HS3ST6: variants seen among roughly 807,000 people sequenced by gnomAD.
HS3ST6 encodes the protein heparan sulfate glucosamine 3-O-sulfotransferase 6.
A neutral mutation model predicts 11.0 loss-of-function variants in HS3ST6; 13 were observed. That is an observed-to-expected ratio of 1.18 (90% confidence interval 0.77 to 1.88). The LOEUF (loss-of-function observed/expected upper bound fraction) is 1.88, where lower values mean the gene tolerates loss of function less well. Ranked by LOEUF, HS3ST6 falls within the 40% of genes most tolerant of loss-of-function variation. The pLI is 0.00. For missense variants in HS3ST6, 541 were observed against 494.4 expected (o/e 1.09, Z -0.89); for synonymous variants, 232 against 230.6 (o/e 1.01, Z -0.06).
upstream of HS3ST6, among the ~76,000 whole-genome samples, chr16:1,920,355 C>CCCCACGGTCTCAGCTGTT (rs1331988411): frequency 6.7e-6 from 1 of 149,290 alleles, no homozygotes; most frequent in African/African-American, 2.5e-5. Flanking sequence ...CGGTCTGAGT[C>CCCCACGGTCTCAGCTGTT]CCCACGGTCT....
In HS3ST6 at chr16:1,918,206, C is replaced by T. The variant is rs2082940436; in HGVS notation, c.118G>A (p.Gly40Ser). Residue 40 changes from glycine to serine, a missense_variant, in exon 1 of 2, where the codon GGC (glycine) becomes AGC (serine). Physicochemically the swap from Gly to Ser is moderately conservative, Grantham distance 56. Coordinates refer to ENST00000454677, the MANE Select transcript of HS3ST6 (RefSeq NM_001009606.4). This position sits in a 1 kb window ranked among gnomAD's most constrained non-coding sequence, Gnocchi z 6.0. The stretch of plus-strand genomic sequence containing the variant: ...GGGAGGGCGCAGAGGCAGTAGGCGC[C>T]GAGCACCAGGGCCACGAGCAGCATC... The part of the protein sequence containing the change: ...APMLLVALVL[G>S]AYCLCALPGR... 1 of 1,061,800 alleles carries T rather than the reference C, an allele frequency of 9.4e-7. No homozygotes were observed. The highest frequency in any genetic ancestry group is 5.4e-5 in the Admixed American group (1 of 18,448). The allele number at this position is 1,061,800 out of a possible 1,614,324, so 65.8% of individuals were successfully genotyped here.
chr16:1,914,262 G>T (rs1461503629), intron 1 of HS3ST6, among the ~76,000 whole-genome samples: 1 of 152,168 alleles, frequency 6.6e-6, no homozygotes, highest in African/African-American at 2.4e-5. Flanking sequence ...GCCGCACCCA[G>T]CGTCCCAGGG....
rs2082888371 is a variant in HS3ST6, at chr16:1,911,710, CT to C, written c.908del (p.Lys303SerfsTer32). On this transcript the variant is annotated frameshift_variant, in exon 2 of 2. Transcript: ENST00000454677. LOFTEE classifies it high-confidence loss of function. ...CGCGTGGGTGTGGCCGGCCCTTGGA[CT>C]TGCCCAGGCAGCGGGGACGGCTGCC... ...QGGSRPRCLG[K>X]SKGRPHPRVP... The C allele has an allele frequency of 1.2e-6, 2 of 1,612,382 alleles. No homozygotes were observed. Among genetic ancestry groups the C allele is most frequent in the African/African-American group, 2.7e-5 (2 of 74,910 alleles).
At position 1,912,774 on chromosome 16, in the gene HS3ST6, T is replaced by C. The variant is rs1481320985; in HGVS notation, c.414-569A>G. Among the ~76,000 whole-genome samples, 1 of 152,140 alleles carries C rather than the reference T, an allele frequency of 6.6e-6. No individual in the cohort carries two copies. The highest frequency in any genetic ancestry group is 2.4e-5 in the African/African-American group (1 of 41,434). On this transcript the variant is annotated intron_variant, in intron 1 of 1. Transcript: ENST00000454677. This position sits in a 1 kb window ranked among gnomAD's most constrained non-coding sequence, Gnocchi z 5.6. ...CCTCCCTGCTCCCTCCCTCCCCTGA[T>C]GTAATTACATCTCTTCCCATCTTTA...
At chr16:1,913,361 C>G (rs750157487) in intron 1 of HS3ST6, among the ~76,000 whole-genome samples, 1 of 152,110 alleles carries the variant, frequency 6.6e-6, no homozygotes, top group Non-Finnish European at 1.5e-5. Context: ...CCCAAGGTCC[C>G]GGGGGAATCA....
chr16:1,919,266 G>A (rs2082947944), upstream of HS3ST6, among the ~76,000 whole-genome samples: 1 of 152,222 alleles, frequency 6.6e-6, no homozygotes, highest in African/African-American at 2.4e-5. Context: ...CTGTGCTGGG[G>A]AAGAGAAGGA....
Position 1,911,757 on chromosome 16 carries a change from A to G in HS3ST6, c.862T>C (p.Cys288Arg), listed in dbSNP as rs1418131078. The G allele has an allele frequency of 1.2e-6, 2 of 1,613,754 alleles. No homozygotes were observed. The highest frequency in any genetic ancestry group is 4.5e-5 in the East Asian group (2 of 44,868). ...CTGCCGCCCTGGGCCTTCTTGAGGC[A>G]GGGGAAGCCCTTGGTGGCGTTGAAG... is the stretch of plus-strand genomic sequence containing the variant. ...FYFNATKGFP[C>R]LKKAQGGSRP... Residue 288 changes from cysteine (C) to arginine (R), a missense_variant, in exon 2 of 2, where the codon TGC becomes CGC. Cys to Arg is a radical substitution (Grantham distance 180). Coordinates refer to ENST00000454677, the MANE Select transcript of HS3ST6 (RefSeq NM_001009606.4).
At chr16:1,920,238 G>C (rs1775315284), upstream of HS3ST6, among the ~76,000 whole-genome samples, 1 of 132,672 alleles carries the variant, frequency 7.5e-6, no homozygotes, top group Non-Finnish European at 1.6e-5. Flanking sequence ...CCATCCCCAC[G>C]GTCTCAGGAG....
chr16:1,915,621 T>A (rs1193989718), intron 1 of HS3ST6, among the ~76,000 whole-genome samples: 1 of 152,186 alleles, frequency 6.6e-6, no homozygotes, highest in Non-Finnish European at 1.5e-5. Context: ...ACAGCCCCCA[T>A]TTGCCCCCAG....
rs1178656472 is a variant in HS3ST6 at position 1,918,096 on chromosome 16, TGCTCCCGGGC to T, written c.218_227del (p.Arg73HisfsTer23). ...GACCGCTGGCCAAAGGCAGGCCGGG[TGCTCCCGGGC>T]GGTGGACGGAGCTGGACGGCTCGGA... On this transcript the variant is annotated frameshift_variant, in exon 1 of 2. Transcript: ENST00000454677. LOFTEE classifies it high-confidence loss of function. The surrounding 1 kb of genome is among the most constrained non-coding windows in gnomAD (Gnocchi z 6.0). The T allele has an allele frequency of 6.7e-7, 1 of 1,486,998 alleles. No individual in the cohort carries two copies. The highest frequency in any genetic ancestry group is 1.3e-5 in the South Asian group (1 of 78,558). The allele number at this position is 1,486,998 out of a possible 1,614,324, so 92.1% of individuals were successfully genotyped here. A position where few individuals can be genotyped will look rare whatever the true frequency, so the allele number is the denominator to read the frequency against.
intron 1 of HS3ST6, among the ~76,000 whole-genome samples, chr16:1,914,251 A>G (rs760348696): frequency 9.2e-5 from 14 of 152,088 alleles, no homozygotes; most frequent in Non-Finnish European, 1.8e-4. Context: ...CCCGCGTGGG[A>G]GCCGCACCCA....
In HS3ST6 at chr16:1,912,182, T is replaced by C. The variant is rs1420668853; in HGVS notation, c.437A>G (p.Asp146Gly). Residue 146 changes from aspartate (D) to glycine (G), a missense_variant, in exon 2 of 2, where the codon GAT (aspartate) becomes GGT (glycine). Transcript: ENST00000454677. This position sits in a 1 kb window ranked among gnomAD's most constrained non-coding sequence, Gnocchi z 5.6. Reference sequence around the variant, plus strand: ...GGTCTTCTCCATGGTGATCTGCCCATCCAGGGTTCGGGGCATCAGACTCCT... The same window carrying C: ...GGTCTTCTCCATGGTGATCTGCCCACCCAGGGTTCGGGGCATCAGACTCCT... ...WYRSLMPRTL[D>G]GQITMEKTPS... is the part of the protein sequence containing the mutation. 2.1e-6 allele frequency: 3 copies of C among 1,448,840 alleles called. No individual in the cohort carries two copies. In the East Asian group the frequency reaches 7.8e-5, roughly 37 times the overall value. The allele number at this position is 1,448,840 out of a possible 1,614,324, so 89.7% of individuals were successfully genotyped here.
intron 1 of HS3ST6, among the ~76,000 whole-genome samples, chr16:1,916,871 T>C (rs1327263636): frequency 6.7e-6 from 1 of 149,336 alleles, no homozygotes; most frequent in Non-Finnish European, 1.5e-5. Flanking sequence ...GTCAGGGGAG[T>C]GAGGTCTCTC....
rs964481409 is a variant in HS3ST6 at position 1,918,207 on chromosome 16, G to A, written c.117C>T (p.Leu39=). Residue 39 remains leucine, a synonymous_variant, in exon 1 of 2, where the codon CTC becomes CTT. Transcript: ENST00000454677. This position sits in a 1 kb window ranked among gnomAD's most constrained non-coding sequence, Gnocchi z 6.0. ...RAPMLLVALV[L]GAYCLCALPG... is the part of the protein sequence containing the mutation. ...GGAGGGCGCAGAGGCAGTAGGCGCCGAGCACCAGGGCCACGAGCAGCATCG... is the reference window on the plus strand; with the variant it reads ...GGAGGGCGCAGAGGCAGTAGGCGCCAAGCACCAGGGCCACGAGCAGCATCG... 5.7e-6 allele frequency: 6 copies of A among 1,059,790 alleles called. No homozygotes were observed. In the African/African-American group the frequency reaches 8.5e-5, roughly 15 times the overall value. 65.6% of individuals were successfully genotyped at this position (1,059,790 alleles called of 1,614,324 possible).
In HS3ST6 at chr16:1,918,142, G is replaced by T. The variant is rs1472985331; in HGVS notation, c.182C>A (p.Ala61Asp). The T allele has an allele frequency of 2.5e-6, 3 of 1,195,104 alleles. No individual in the cohort carries two copies. Among genetic ancestry groups the T allele is most frequent in the Admixed American group, 9.0e-5 (2 of 22,276 alleles). The allele number at this position is 1,195,104 out of a possible 1,614,324, so 74.0% of individuals were successfully genotyped here. A position where few individuals can be genotyped will look rare whatever the true frequency, so the allele number is the denominator to read the frequency against. Residue 61 changes from alanine (A) to aspartate (D), a missense_variant, in exon 1 of 2, where the codon GCC becomes GAC. Transcript: ENST00000454677. This position sits in a 1 kb window ranked among gnomAD's most constrained non-coding sequence, Gnocchi z 6.0. ...GCTGGACGGCTCGGAGGGCGCGGGG[G>T]CCGGCGCGGGGGCGCGGGCGGCCGG... ...CPPAARAPAP[A>D]PAPSEPSSSV...
upstream of HS3ST6, chr16:1,918,507 C>T (rs2082943289): frequency 6.5e-6 from 1 of 153,152 alleles, no homozygotes. This position sits in a 1 kb window ranked among gnomAD's most constrained non-coding sequence, Gnocchi z 6.0. Context: ...CCCTCCCCCG[C>T]CCACTCCGCC....
chr16:1,917,719 C>T (rs1372959331), intron 1 of HS3ST6, among the ~76,000 whole-genome samples, 192 bp downstream of exon 1: 2 of 152,192 alleles, frequency 1.3e-5, no homozygotes. Context: ...GGAATCCTAG[C>T]CAAGTATCAT....
chr16:1,918,294 C>A lies in HS3ST6; in HGVS notation c.30G>T (p.Gly10=). 1 of 824,158 alleles carries A rather than the reference C, an allele frequency of 1.2e-6. No individual in the cohort carries two copies. Among genetic ancestry groups the A allele is most frequent in the Non-Finnish European group, 1.5e-6 (1 of 681,590 alleles). The allele number at this position is 824,158 out of a possible 1,614,324, so 51.1% of individuals were successfully genotyped here. ...CCCCTGCGCCCTGGCCGCCCCCGGC[C>A]CCGCCGCCCAGGCCGCCGCTACCTG... MAGSGGLGG[G]AGGGQGAGAG... Residue 10 remains glycine (G), a synonymous_variant, in exon 1 of 2, where the codon GGG becomes GGT. Coordinates refer to ENST00000454677, the MANE Select transcript of HS3ST6 (RefSeq NM_001009606.4). The surrounding 1 kb of genome is among the most constrained non-coding windows in gnomAD (Gnocchi z 6.0).
In HS3ST6 at chr16:1,911,605, G is replaced by T; in HGVS notation, c.1014C>A (p.Asp338Glu). ...NRRFYQMTGQDFGWG is the reference protein window; with the variant it reads ...NRRFYQMTGQEFGWG ...AGGGTGCCGCTCAGCCCCAGCCGAA[G>T]TCCTGGCCCGTCATCTGGTAGAACC... Residue 338 changes from aspartate (D) to glutamate (E), a missense_variant, in exon 2 of 2, where the codon GAC becomes GAA. By Grantham distance (45) the Asp-to-Glu change is conservative. Coordinates refer to ENST00000454677, the MANE Select transcript of HS3ST6 (RefSeq NM_001009606.4). The T allele has an allele frequency of 6.2e-7, 1 of 1,604,522 alleles. No homozygotes were observed. The highest frequency in any genetic ancestry group is 8.5e-7 in the Non-Finnish European group (1 of 1,175,826).
Sources: allele counts gnomAD v4.1 joint callset (sites outside exome capture counted in the v4.1 genomes callset), GRCh38; gene constraint gnomAD v4.1.1; non-coding constraint Gnocchi (gnomAD v3.1); transcripts MANE v1.5; gene names NCBI Gene and HGNC (gene_info 2026-07-23, HGNC 2026-07-21).